Variants in COL26A1 observed in about 807,000 individuals in gnomAD.
The protein encoded by COL26A1 is collagen alpha-1(XXVI) chain.
In COL26A1, 41 loss-of-function variants were observed where a neutral mutation model predicts 59.3. The ratio of observed to expected loss-of-function variants is 0.69; its 90% CI spans 0.54 to 0.90. The LOEUF (loss-of-function observed/expected upper bound fraction) is 0.90, where lower values mean the gene tolerates loss of function less well. Ranked by LOEUF, COL26A1 falls within the 40% of genes least tolerant of loss-of-function variation. The pLI is 0.00. For synonymous variants in COL26A1, 266 were observed against 256.0 expected, an observed-to-expected ratio of 1.04 and a Z score of -0.37; for missense variants, 612 against 602.3, an observed-to-expected ratio of 1.02 and a Z score of -0.17.
At chr7:101,405,849 CCCTTCCCGCCAGT>C (rs1302818166) in intron 1 of COL26A1, among the ~76,000 whole-genome samples, 1 of 152,248 alleles carries the variant, frequency 6.6e-6, no homozygotes, top group African/African-American at 2.4e-5. Context: ...GCCCCGCCAG[CCCTTCCCGCCAGT>C]GCGCAGGCAA....
At chr7:101,537,764 C>T (rs1795511153) in intron 4 of COL26A1, among the ~76,000 whole-genome samples, 2 of 152,124 alleles carry the variant, frequency 1.3e-5, no homozygotes, top group Non-Finnish European at 2.9e-5. Flanking sequence ...GGCGGGACCC[C>T]TCCCCAGATC....
At chr7:101,535,628 G>A (rs1290949839) in intron 4 of COL26A1, among the ~76,000 whole-genome samples, 3 of 152,170 alleles carry the variant, frequency 2.0e-5, no homozygotes, top group Non-Finnish European at 2.9e-5. Flanking sequence ...TGAGAGGACT[G>A]TGTCCTCTCT....
At chr7:101,523,344 C>T (rs770124990) in intron 3 of COL26A1, among the ~76,000 whole-genome samples, 2 of 152,210 alleles carry the variant, frequency 1.3e-5, no homozygotes, top group African/African-American at 4.8e-5. Context: ...GCTGGAATTA[C>T]AGGCGTGAGC....
chr7:101,481,523 T>C (rs1352730818), intron 3 of COL26A1, among the ~76,000 whole-genome samples: 1 of 151,130 alleles, frequency 6.6e-6, no homozygotes, highest in Non-Finnish European at 1.5e-5. Flanking sequence ...CGGTCATAGC[T>C]CACTGCCATC....
At chr7:101,387,774 A>ATTTTTTTTTTTTTTT (rs1185449488) in intron 1 of COL26A1, among the ~76,000 whole-genome samples, 63 of 48,882 alleles carry the variant, frequency 1.3e-3, no homozygotes, top group Non-Finnish European at 2.3e-3. Context: ...ATATATATAT[A>ATTTTTTTTTTTTTTT]TATATTTTTT....
At chr7:101,428,187 GTC>G (rs1792691976) in intron 2 of COL26A1, among the ~76,000 whole-genome samples, 1 of 151,916 alleles carries the variant, frequency 6.6e-6, no homozygotes, top group Non-Finnish European at 1.5e-5. Context: ...GTGAGACCCT[GTC>G]TCTACAAAAA....
chr7:101,484,987 GA>G (rs968793671), intron 3 of COL26A1, among the ~76,000 whole-genome samples: 3 of 152,088 alleles, frequency 2.0e-5, no homozygotes, highest in Non-Finnish European at 4.4e-5. Context: ...AAGTAGCTGG[GA>G]TTACAGGCAT....
chr7:101,475,629 G>A (rs549568864), intron 3 of COL26A1, among the ~76,000 whole-genome samples: 44 of 151,928 alleles, frequency 2.9e-4, no homozygotes, highest in Non-Finnish European at 3.4e-4. Context: ...GTGTGTGTGC[G>A]TATATTGTGG....
chr7:101,393,400 C>T (rs1424914080), intron 1 of COL26A1, among the ~76,000 whole-genome samples: 1 of 152,068 alleles, frequency 6.6e-6, no homozygotes, highest in African/African-American at 2.4e-5. Flanking sequence ...GCATCCAGCA[C>T]GGGAGAAAGA....
intron 3 of COL26A1, among the ~76,000 whole-genome samples, chr7:101,450,540 C>T (rs1793305648): frequency 6.6e-6 from 1 of 152,064 alleles, no homozygotes; most frequent in South Asian, 2.1e-4. Flanking sequence ...CCTGGACATT[C>T]CAAGGGCTTC....
intron 3 of COL26A1, among the ~76,000 whole-genome samples, chr7:101,500,807 C>A (rs1445240717): frequency 6.6e-6 from 1 of 151,810 alleles, no homozygotes; most frequent in African/African-American, 2.4e-5. Context: ...GGCAACAGAG[C>A]GAGACGCTGT....
intron 1 of COL26A1, among the ~76,000 whole-genome samples, chr7:101,396,402 GC>G (rs1791855753): frequency 1.3e-5 from 2 of 151,990 alleles, no homozygotes; most frequent in Admixed American, 1.3e-4. Flanking sequence ...TCACTTCCCA[GC>G]CCCTGACTGA....
chr7:101,431,349 T>C (rs1792774492), intron 2 of COL26A1, among the ~76,000 whole-genome samples: 2 of 152,034 alleles, frequency 1.3e-5, no homozygotes, highest in Admixed American at 6.6e-5. Flanking sequence ...AGCCTCGACC[T>C]CCTGGGCTTA....
chr7:101,384,218 T>C (rs1461023979), intron 1 of COL26A1, among the ~76,000 whole-genome samples: 2 of 149,360 alleles, frequency 1.3e-5, no homozygotes, highest in East Asian at 2.0e-4. Context: ...TCTTCCTATA[T>C]TGTTCAGGCT....
At chr7:101,521,746 C>T (rs1010556064) in intron 3 of COL26A1, among the ~76,000 whole-genome samples, 7 of 152,162 alleles carry the variant, frequency 4.6e-5, no homozygotes, top group Non-Finnish European at 7.3e-5. Context: ...AGAACGTTCT[C>T]ATGATCTTGA....
chr7:101,453,665 G>A (rs925331647), intron 3 of COL26A1, among the ~76,000 whole-genome samples: 1 of 152,168 alleles, frequency 6.6e-6, no homozygotes. Context: ...CTCAGGAGTG[G>A]GGAGTTGGCA....
chr7:101,509,737 AT>A (rs1398418917), intron 3 of COL26A1, among the ~76,000 whole-genome samples: 8 of 148,060 alleles, frequency 5.4e-5, no homozygotes, highest in Admixed American at 6.7e-5. Flanking sequence ...GGGCTCTTTT[AT>A]TTTTTTTTTG....
intron 1 of COL26A1, among the ~76,000 whole-genome samples, chr7:101,403,480 CT>C (rs1398768416): frequency 1.3e-5 from 2 of 152,024 alleles, no homozygotes; most frequent in African/African-American, 4.8e-5. Context: ...GATTATGCTA[CT>C]GCACTCCAGC....
At chr7:101,383,824 A>G (rs10280672) in intron 1 of COL26A1, among the ~76,000 whole-genome samples, 9,331 of 150,980 alleles carry the variant, frequency 0.062, 662 homozygotes, top group African/African-American at 0.16. Flanking sequence ...CATGAGCCAC[A>G]GCGCCCTGCC....
Sources: allele counts gnomAD v4.1 joint callset (sites outside exome capture counted in the v4.1 genomes callset), GRCh38; gene constraint gnomAD v4.1.1; transcripts MANE v1.5; gene names NCBI Gene and HGNC (gene_info 2026-07-23, HGNC 2026-07-21).